Variants in ZDHHC14 observed in about 807,000 individuals in gnomAD.
ZDHHC14 encodes the protein zDHHC palmitoyltransferase 14, also known as palmitoyltransferase ZDHHC14.
Under a neutral mutation model 47.7 loss-of-function variants are expected in ZDHHC14, and 16 were observed. The ratio of observed to expected loss-of-function variants is 0.34; its 90% CI spans 0.23 to 0.51. The LOEUF (loss-of-function observed/expected upper bound fraction) is 0.51, where lower values mean the gene tolerates loss of function less well. ZDHHC14 is among the 20% of genes least tolerant of loss of function. The probability of loss-of-function intolerance (pLI) is 0.97; values close to 1 mark genes in which losing one functional copy is unlikely to be tolerated. For synonymous variants in ZDHHC14, 293 were observed against 278.9 expected (o/e 1.05, Z -0.50); for missense variants, 515 against 662.5 (o/e 0.78, Z 2.44).
chr6:157,553,481 G>A (rs1339996652), intron 2 of ZDHHC14, among the ~76,000 whole-genome samples: 1 of 152,080 alleles, frequency 6.6e-6, no homozygotes, highest in East Asian at 1.9e-4. Context: ...CTTTGCTGAG[G>A]TGTCCTCTTT....
chr6:157,402,941 G>T (rs1384602268), intron 1 of ZDHHC14, among the ~76,000 whole-genome samples: 2 of 152,162 alleles, frequency 1.3e-5, no homozygotes, highest in Non-Finnish European at 2.9e-5. Flanking sequence ...CACCATTCTG[G>T]CCAGGCTGGT....
chr6:157,529,201 A>C (rs1331715457), intron 1 of ZDHHC14: 2 of 154,770 alleles, frequency 1.3e-5, no homozygotes, highest in African/African-American at 4.8e-5. Flanking sequence ...GCAGAAGTGG[A>C]GATCTCTGGA....
chr6:157,476,738 A>G (rs1258272172), intron 1 of ZDHHC14, among the ~76,000 whole-genome samples: 4 of 152,256 alleles, frequency 2.6e-5, no homozygotes, highest in Non-Finnish European at 5.9e-5. Context: ...CTGGGATCCA[A>G]GGATGGTTCA....
intron 1 of ZDHHC14, among the ~76,000 whole-genome samples, chr6:157,493,360 G>C (rs892367388): frequency 3.9e-5 from 6 of 152,224 alleles, no homozygotes; most frequent in African/African-American, 1.4e-4. Context: ...GCACAGGCCC[G>C]GGCTCCAGGC....
intron 1 of ZDHHC14, among the ~76,000 whole-genome samples, chr6:157,412,890 G>A (rs2114759876): frequency 6.6e-6 from 1 of 152,326 alleles, no homozygotes; most frequent in East Asian, 1.9e-4. Context: ...AAAGAAGAAA[G>A]GCTGTGGGAT....
intron 2 of ZDHHC14, among the ~76,000 whole-genome samples, chr6:157,588,296 A>T (rs900065962): frequency 1.3e-5 from 2 of 151,764 alleles, no homozygotes; most frequent in African/African-American, 2.4e-5. Flanking sequence ...TAAATAATTT[A>T]AAAAATTTAA....
chr6:157,406,823 C>T (rs186212491), intron 1 of ZDHHC14, among the ~76,000 whole-genome samples: 2 of 152,290 alleles, frequency 1.3e-5, no homozygotes, highest in East Asian at 3.9e-4. Flanking sequence ...CCAGTCCTCT[C>T]TTCTCCATTT....
At chr6:157,518,453 A>T (rs1161173062) in intron 1 of ZDHHC14, among the ~76,000 whole-genome samples, 1 of 152,114 alleles carries the variant, frequency 6.6e-6, no homozygotes, top group Non-Finnish European at 1.5e-5. Context: ...TGGTTGCCAG[A>T]GTCAGTGTGT....
intron 2 of ZDHHC14, among the ~76,000 whole-genome samples, chr6:157,577,902 T>C (rs1380249948): frequency 6.6e-6 from 1 of 152,258 alleles, no homozygotes; most frequent in African/African-American, 2.4e-5. Context: ...CTGTGTGAGA[T>C]GGTATCTCAT....
intron 3 of ZDHHC14, among the ~76,000 whole-genome samples, chr6:157,617,363 A>C (rs1209743376): frequency 6.6e-6 from 1 of 152,164 alleles, no homozygotes; most frequent in Admixed American, 6.5e-5. Context: ...AATGTCTCTG[A>C]AGTTTTCCAG....
intron 3 of ZDHHC14, among the ~76,000 whole-genome samples, chr6:157,609,277 A>G (rs1784664985): frequency 6.6e-6 from 1 of 152,160 alleles, no homozygotes; most frequent in African/African-American, 2.4e-5. Flanking sequence ...CCTGGAGGGA[A>G]AGCGAGAGGT....
chr6:157,541,374 C>T (rs773138247), intron 1 of ZDHHC14, among the ~76,000 whole-genome samples: 94 of 152,122 alleles, frequency 6.2e-4, no homozygotes, highest in Non-Finnish European at 1.0e-3. Flanking sequence ...TGCCAGCATC[C>T]GTTTGCCATC....
At chr6:157,510,419 C>T (rs1242710563) in intron 1 of ZDHHC14, among the ~76,000 whole-genome samples, 1 of 152,208 alleles carries the variant, frequency 6.6e-6, no homozygotes, top group Non-Finnish European at 1.5e-5. Context: ...AGGCAGCCTT[C>T]CATGCTCACT....
At chr6:157,419,452 T>A (rs907095398) in intron 1 of ZDHHC14, among the ~76,000 whole-genome samples, 5 of 152,188 alleles carry the variant, frequency 3.3e-5, no homozygotes, top group Non-Finnish European at 5.9e-5. Context: ...CCTTGTAAAT[T>A]CCCCATACAC....
chr6:157,667,327 G>A (rs1451749694), intron 8 of ZDHHC14, among the ~76,000 whole-genome samples: 1 of 152,072 alleles, frequency 6.6e-6, no homozygotes, highest in Admixed American at 6.5e-5. Context: ...CAAATTGTAA[G>A]AGAGAAAAAG....
chr6:157,500,417 T>TA (rs1471066929), intron 1 of ZDHHC14, among the ~76,000 whole-genome samples: 4 of 152,128 alleles, frequency 2.6e-5, no homozygotes, highest in Non-Finnish European at 4.4e-5. Context: ...AAGTCATTTT[T>TA]AAAAGATTAC....
intron 5 of ZDHHC14, among the ~76,000 whole-genome samples, chr6:157,636,336 A>AGTGTGT (rs112041409): frequency 0.02 from 2,937 of 149,214 alleles, 89 homozygotes; most frequent in African/African-American, 0.062. Context: ...AGGATATATA[A>AGTGTGT]GTGTGTGTGT....
At chr6:157,540,910 G>GTGTGTGTGTATATATATATATATATA (rs1284429244) in intron 1 of ZDHHC14, among the ~76,000 whole-genome samples, 100 of 122,912 alleles carry the variant, frequency 8.1e-4, no homozygotes, top group African/African-American at 4.2e-3. Flanking sequence ...GTGTGTGTGT[G>GTGTGTGTGTATATATATATATATATA]TATATATATA....
At chr6:157,469,324 T>C (rs1022044629) in intron 1 of ZDHHC14, among the ~76,000 whole-genome samples, 5 of 152,240 alleles carry the variant, frequency 3.3e-5, no homozygotes, top group Non-Finnish European at 7.3e-5. Flanking sequence ...TTACCCTCCA[T>C]AGTCCTTCAC....
Sources: gnomAD v4.1 joint callset for allele counts (sites outside exome capture counted in the v4.1 genomes callset) on GRCh38, gnomAD v4.1.1 for gene constraint, MANE v1.5 for transcripts, NCBI Gene and HGNC (gene_info 2026-07-23, HGNC 2026-07-21) for gene names.